The following GRM8 variants were observed in gnomAD, a reference collection of about 807,000 sequenced individuals.
GRM8 encodes the protein glutamate metabotropic receptor 8.
GRM8 carries 47 observed loss-of-function variants against 87.2 expected under a neutral mutation model. That is an observed-to-expected ratio of 0.54 (90% CI 0.43 to 0.69). The LOEUF (loss-of-function observed/expected upper bound fraction) is 0.69, where lower values mean the gene tolerates loss of function less well. Ranked by LOEUF, GRM8 falls within the 30% of genes least tolerant of loss-of-function variation. The pLI, the probability that GRM8 is intolerant of heterozygous loss-of-function variation, is 0.00. For missense variants in GRM8, 1,019 were observed against 1,139.2 expected, an observed-to-expected ratio of 0.89 and a Z score of 1.52; for synonymous variants, 396 against 404.5, an observed-to-expected ratio of 0.98 and a Z score of 0.25.
At chr7:127,058,527 T>G (rs1423134835) in intron 3 of GRM8, among the ~76,000 whole-genome samples, 1 of 152,226 alleles carries the variant, frequency 6.6e-6, no homozygotes, top group African/African-American at 2.4e-5. Context: ...AGGATCATAT[T>G]TAGGCTGGTG....
At chr7:126,892,981 C>T (rs1270538237) in intron 6 of GRM8, among the ~76,000 whole-genome samples, 1 of 151,818 alleles carries the variant, frequency 6.6e-6, no homozygotes, top group Admixed American at 6.6e-5. Flanking sequence ...AAAAAACAAC[C>T]CCATCAAAAG....
At chr7:126,617,924 A>ATC (rs1799688484) in intron 7 of GRM8, among the ~76,000 whole-genome samples, 1 of 151,662 alleles carries the variant, frequency 6.6e-6, no homozygotes, top group Admixed American at 6.6e-5. Flanking sequence ...GATGGGAAGA[A>ATC]AATATCATGA....
At chr7:126,601,255 A>T (rs1290148345) in intron 8 of GRM8, among the ~76,000 whole-genome samples, 2 of 152,132 alleles carry the variant, frequency 1.3e-5, no homozygotes, top group Non-Finnish European at 2.9e-5. Context: ...TACAAACGAC[A>T]TGAACTCATC....
In GRM8 at chr7:127,036,039, T is replaced by C. The variant is rs17862266; in HGVS notation, c.727+70457A>G. Among the ~76,000 whole-genome samples, 900 of 152,326 alleles carry C rather than the reference T, an allele frequency of 5.9e-3. 4 individuals carry two copies. The highest frequency in any genetic ancestry group is 0.011 in the Non-Finnish European group (735 of 68,024). Reference sequence around the variant, plus strand: ...TCAGTATTATTGCGTTTCACTCGCCTCAAAGATTATGAAGCCCTTTGAGAT... The same window carrying C: ...TCAGTATTATTGCGTTTCACTCGCCCCAAAGATTATGAAGCCCTTTGAGAT... On this transcript the variant is annotated intron_variant, in intron 3 of 10. Transcript: ENST00000339582.
At chr7:127,206,045 T>C (rs532321805) in intron 2 of GRM8, among the ~76,000 whole-genome samples, 30 of 152,338 alleles carry the variant, frequency 2.0e-4, no homozygotes, top group Middle Eastern at 3.4e-3. Context: ...AGAACTGAGC[T>C]ACCAGCATCA....
At chr7:126,504,193 G>C (rs898881004) in intron 9 of GRM8, among the ~76,000 whole-genome samples, 10 of 151,934 alleles carry the variant, frequency 6.6e-5, no homozygotes, top group African/African-American at 2.2e-4. Context: ...TATTTTCACA[G>C]AATCATATGT....
intron 3 of GRM8, among the ~76,000 whole-genome samples, chr7:126,937,414 G>C (rs1157611877): frequency 6.6e-6 from 1 of 152,190 alleles, no homozygotes; most frequent in Non-Finnish European, 1.5e-5. Context: ...CAAAAACCTG[G>C]CTGACAGAGC....
At chr7:126,577,527 T>C (rs1191080472) in intron 8 of GRM8, among the ~76,000 whole-genome samples, 2 of 151,924 alleles carry the variant, frequency 1.3e-5, no homozygotes, top group Non-Finnish European at 2.9e-5. Flanking sequence ...CACTATGAAG[T>C]TCTACTCTAA....
chr7:126,589,820 C>G (rs1163136048), intron 8 of GRM8, among the ~76,000 whole-genome samples: 1 of 152,118 alleles, frequency 6.6e-6, no homozygotes, highest in African/African-American at 2.4e-5. Context: ...TGCAGACACC[C>G]CCTAGTAGGT....
At chr7:127,139,180 A>T (rs1421837670) in intron 2 of GRM8, among the ~76,000 whole-genome samples, 1 of 152,154 alleles carries the variant, frequency 6.6e-6, no homozygotes, top group Non-Finnish European at 1.5e-5. Context: ...ATGTGTTCTC[A>T]TAGTTTCATG....
intron 7 of GRM8, among the ~76,000 whole-genome samples, chr7:126,682,813 G>A (rs1476606799): frequency 6.6e-6 from 1 of 152,220 alleles, no homozygotes; most frequent in Non-Finnish European, 1.5e-5. Context: ...CACTTTGGGA[G>A]GTCGAGGCAG....
At chr7:127,100,843 C>A (rs1266013061) in intron 3 of GRM8, among the ~76,000 whole-genome samples, 2 of 152,124 alleles carry the variant, frequency 1.3e-5, no homozygotes, top group African/African-American at 4.8e-5. Flanking sequence ...TATCACATAC[C>A]TTTATATGAA....
At chr7:126,460,487 C>T (rs1468197419) in intron 9 of GRM8, among the ~76,000 whole-genome samples, 2 of 151,574 alleles carry the variant, frequency 1.3e-5, no homozygotes, top group Non-Finnish European at 3.0e-5. Context: ...CAAATAACTA[C>T]CAGTGAAAGG....
In GRM8 at chr7:126,685,929, C is replaced by T. The variant is rs1808134134; in HGVS notation, c.1358-76431G>A. On this transcript the variant is annotated intron_variant, in intron 7 of 10. Transcript: ENST00000339582. The surrounding 1 kb of genome is among the most constrained non-coding windows in gnomAD (Gnocchi z 4.2). Reference sequence around the variant, plus strand: ...TGAACTCGTAGCGCTTTTCCCTGGGCCCTCGTGGGTGCCCATGGACTGATC... The same window carrying T: ...TGAACTCGTAGCGCTTTTCCCTGGGTCCTCGTGGGTGCCCATGGACTGATC... 6.6e-6 allele frequency among the ~76,000 whole-genome samples: 1 copy of T among 151,824 alleles called. No homozygotes were observed. The highest frequency in any genetic ancestry group is 6.5e-5 in the Admixed American group (1 of 15,270).
chr7:127,201,739 C>G (rs183493890), intron 2 of GRM8, among the ~76,000 whole-genome samples: 54 of 152,290 alleles, frequency 3.5e-4, no homozygotes, highest in African/African-American at 1.2e-3. Flanking sequence ...CTAGGACTTT[C>G]ATTTATTCTT....
intron 9 of GRM8, among the ~76,000 whole-genome samples, chr7:126,529,953 T>C (rs1234162397): frequency 1.3e-5 from 2 of 152,172 alleles, no homozygotes; most frequent in African/African-American, 4.8e-5. Flanking sequence ...AATTCAGCAG[T>C]AGTTACAAAT....
At chr7:126,671,932 C>T (rs1034668594) in intron 7 of GRM8, among the ~76,000 whole-genome samples, 5 of 152,134 alleles carry the variant, frequency 3.3e-5, no homozygotes, top group East Asian at 1.9e-4. Flanking sequence ...ATGCGACCCC[C>T]GCTGAGACAC....
chr7:126,883,475 GTTAC>G (rs1273110040), intron 6 of GRM8, among the ~76,000 whole-genome samples: 3 of 152,106 alleles, frequency 2.0e-5, no homozygotes, highest in East Asian at 3.9e-4. Context: ...CCTTTTGTAA[GTTAC>G]TTACTCAAAT....
intron 2 of GRM8, among the ~76,000 whole-genome samples, chr7:127,210,683 A>G (rs565469880): frequency 6.6e-6 from 1 of 152,144 alleles, no homozygotes; most frequent in African/African-American, 2.4e-5. Context: ...CTTCTAGCCT[A>G]ACACTCTTTC....
Sources: allele counts gnomAD v4.1 joint callset (sites outside exome capture counted in the v4.1 genomes callset), GRCh38; gene constraint gnomAD v4.1.1; non-coding constraint Gnocchi (gnomAD v3.1); transcripts MANE v1.5; gene names NCBI Gene and HGNC (gene_info 2026-07-23, HGNC 2026-07-21).